The following MSRA variants were observed in gnomAD, a reference collection of about 807,000 sequenced individuals.
MSRA encodes mitochondrial peptide methionine sulfoxide reductase.
Under a neutral mutation model 31.3 loss-of-function variants are expected in MSRA, and 54 were observed. The ratio of observed to expected loss-of-function variants is 1.73; its 90% CI spans 1.39 to 2.17. The LOEUF (loss-of-function observed/expected upper bound fraction) is 2.17, where lower values mean the gene tolerates loss of function less well. MSRA is among the 30% of genes most tolerant of loss of function. The probability of loss-of-function intolerance (pLI) is 0.00; values close to 1 mark genes in which losing one functional copy is unlikely to be tolerated. For synonymous variants in MSRA, 169 were observed against 116.5 expected (o/e 1.45, Z -2.90); for missense variants, 507 against 300.9 (o/e 1.69, Z -5.07).
chr8:10,298,832 C>T (rs1800684254), intron 3 of MSRA, among the ~76,000 whole-genome samples: 1 of 152,078 alleles, frequency 6.6e-6, no homozygotes, highest in Non-Finnish European at 1.5e-5. Context: ...AGTATTCTAC[C>T]ATTGTAATAA....
intron 5 of MSRA, among the ~76,000 whole-genome samples, chr8:10,416,559 T>G (rs1222121524): frequency 6.6e-6 from 1 of 152,188 alleles, no homozygotes; most frequent in Non-Finnish European, 1.5e-5. Context: ...CGCTAGTGCT[T>G]TATAGCGTCT....
intron 1 of MSRA, among the ~76,000 whole-genome samples, chr8:10,188,827 A>T (rs1247240070): frequency 1.3e-5 from 2 of 152,216 alleles, no homozygotes; most frequent in African/African-American, 4.8e-5. Context: ...TCCAACTGAT[A>T]GTTCCAAATT....
At position 10,054,469 on chromosome 8, in the gene MSRA, T is replaced by C. The variant is rs772052031; in HGVS notation, c.-48T>C. 12 of 1,495,592 alleles carry C rather than the reference T, an allele frequency of 8.0e-6. No individual in the cohort carries two copies. The South Asian group carries it at 1.3e-4, about 16-fold the overall frequency. The allele number at this position is 1,495,592 out of a possible 1,614,324, so 92.6% of individuals were successfully genotyped here. On this transcript the variant is annotated 5_prime_UTR_variant, in exon 1 of 6. Transcript: ENST00000317173. ...TCTGCCGTTCCGGCTGCGGCTCCGC[T>C]GCCGGTAGCGCCGTCCCCCGGGACC...
intron 1 of MSRA, among the ~76,000 whole-genome samples, chr8:10,097,975 C>A (rs1400410303): frequency 6.6e-6 from 1 of 152,024 alleles, no homozygotes; most frequent in East Asian, 1.9e-4. Context: ...AAGAAAATCT[C>A]CCATAAAGAT....
chr8:10,347,205 G>A (rs1181952652), intron 5 of MSRA, among the ~76,000 whole-genome samples: 1 of 152,144 alleles, frequency 6.6e-6, no homozygotes, highest in Non-Finnish European at 1.5e-5. Flanking sequence ...CCCTTGCACC[G>A]TGTCTGGCTC....
At chr8:10,108,026 G>A (rs1490037033) in intron 1 of MSRA, among the ~76,000 whole-genome samples, 1 of 152,094 alleles carries the variant, frequency 6.6e-6, no homozygotes, top group African/African-American at 2.4e-5. Context: ...GTCCTTGGTG[G>A]TGACAGAATA....
chr8:10,241,123 C>G (rs911138521), intron 2 of MSRA, among the ~76,000 whole-genome samples: 1 of 152,198 alleles, frequency 6.6e-6, no homozygotes, highest in Non-Finnish European at 1.5e-5. Context: ...TCAGCCACAT[C>G]ATCCCCTAGT....
intron 1 of MSRA, among the ~76,000 whole-genome samples, chr8:10,073,724 C>A (rs1797853510): frequency 6.6e-6 from 1 of 151,974 alleles, no homozygotes; most frequent in South Asian, 2.1e-4. Context: ...ATCTAGTTGC[C>A]TTCTAAAGGC....
At chr8:10,264,178 G>A (rs957707484) in intron 3 of MSRA, among the ~76,000 whole-genome samples, 3 of 152,174 alleles carry the variant, frequency 2.0e-5, no homozygotes, top group African/African-American at 7.2e-5. Flanking sequence ...GTGAAAGTCA[G>A]GTGAATTTTA....
intron 4 of MSRA, among the ~76,000 whole-genome samples, chr8:10,312,059 A>C (rs953633753): frequency 6.6e-6 from 1 of 152,248 alleles, no homozygotes; most frequent in Non-Finnish European, 1.5e-5. Context: ...GGACATATAG[A>C]GCCTTAAATT....
chr8:10,133,273 G>A (rs1802031461), intron 1 of MSRA, among the ~76,000 whole-genome samples: 1 of 152,134 alleles, frequency 6.6e-6, no homozygotes, highest in Non-Finnish European at 1.5e-5. Context: ...TATAAATTCT[G>A]GCTCACTGAA....
chr8:10,353,203 C>T (rs183786969), intron 5 of MSRA, among the ~76,000 whole-genome samples: 10 of 152,328 alleles, frequency 6.6e-5, no homozygotes, highest in Admixed American at 5.9e-4. Flanking sequence ...TGACATGTTG[C>T]AGAACATTCT....
intron 1 of MSRA, among the ~76,000 whole-genome samples, chr8:10,082,033 A>G (rs1038247420): frequency 6.6e-6 from 1 of 152,022 alleles, no homozygotes; most frequent in African/African-American, 2.4e-5. Context: ...GAGACCCCCA[A>G]CAGTACAAAA....
intron 1 of MSRA, among the ~76,000 whole-genome samples, chr8:10,153,628 C>G (rs1803904728): frequency 6.6e-6 from 1 of 152,052 alleles, no homozygotes; most frequent in Non-Finnish European, 1.5e-5. Context: ...GGTCATTTCC[C>G]AAAGCGACAG....
chr8:10,068,431 A>G (rs2128916696), intron 1 of MSRA, among the ~76,000 whole-genome samples: 1 of 152,322 alleles, frequency 6.6e-6, no homozygotes, highest in East Asian at 1.9e-4. Flanking sequence ...GTTATCTTCT[A>G]GGATTTGTAT....
intron 1 of MSRA, among the ~76,000 whole-genome samples, chr8:10,120,537 A>T (rs574172826): frequency 4.6e-5 from 7 of 152,342 alleles, no homozygotes; most frequent in African/African-American, 1.7e-4. Context: ...TGTTTTATCC[A>T]GCGTTACCTC....
chr8:10,054,952 A>T (rs1802247295), intron 1 of MSRA, among the ~76,000 whole-genome samples: 1 of 152,072 alleles, frequency 6.6e-6, no homozygotes, highest in Admixed American at 6.5e-5. Context: ...CGCGGCCCCA[A>T]GTTTTGGGCA....
At chr8:10,273,082 A>G (rs927317120) in intron 3 of MSRA, among the ~76,000 whole-genome samples, 2 of 152,242 alleles carry the variant, frequency 1.3e-5, no homozygotes, top group Non-Finnish European at 2.9e-5. Context: ...AATTCTGAAA[A>G]CAAAAGCTAT....
intron 1 of MSRA, among the ~76,000 whole-genome samples, chr8:10,117,703 G>T (rs113411256): frequency 1.3e-5 from 2 of 152,126 alleles, no homozygotes; most frequent in African/African-American, 4.8e-5. Context: ...ATACATTTCA[G>T]GGTCTTTTTG....
Sources: allele counts gnomAD v4.1 joint callset (sites outside exome capture counted in the v4.1 genomes callset), GRCh38; gene constraint gnomAD v4.1.1; transcripts MANE v1.5; gene names NCBI Gene and HGNC (gene_info 2026-07-23, HGNC 2026-07-21).